The following RASGRP3 variants were observed in gnomAD, a reference collection of about 807,000 sequenced individuals.
The protein encoded by RASGRP3 is RAS guanyl releasing protein 3.
RASGRP3 carries 54 observed loss-of-function variants against 82.7 expected under a neutral mutation model. The ratio of observed to expected loss-of-function variants is 0.65; its 90% CI spans 0.52 to 0.82. The LOEUF (loss-of-function observed/expected upper bound fraction) is 0.82, where lower values mean the gene tolerates loss of function less well. Among genes scored for constraint, RASGRP3 ranks in the 40% least tolerant of loss-of-function variants. The probability of loss-of-function intolerance (pLI) is 0.00; values close to 1 mark genes in which losing one functional copy is unlikely to be tolerated. For synonymous variants in RASGRP3, 309 were observed against 300.5 expected (o/e 1.03, Z -0.29); for missense variants, 861 against 828.9 (o/e 1.04, Z -0.48).
chr2:33,448,789 A>T (rs979311857), intron 2 of RASGRP3, among the ~76,000 whole-genome samples: 1 of 152,170 alleles, frequency 6.6e-6, no homozygotes, highest in African/African-American at 2.4e-5. Flanking sequence ...TGAATAGTAC[A>T]CGTAAAAATG....
At chr2:33,532,495 T>C (rs1480268277) in intron 10 of RASGRP3, 2 of 152,216 alleles carry the variant, frequency 1.3e-5, no homozygotes, top group African/African-American at 2.4e-5. Flanking sequence ...GACGTTTCTA[T>C]CAAAATGTAC....
intron 1 of RASGRP3, among the ~76,000 whole-genome samples, chr2:33,504,793 A>T (rs114358965): frequency 0.014 from 2,158 of 150,654 alleles, 48 homozygotes; most frequent in African/African-American, 0.05. Flanking sequence ...GTCCTTGGAG[A>T]TTGTCATCTG....
chr2:33,453,371 A>G (rs947124777), intron 2 of RASGRP3, among the ~76,000 whole-genome samples: 2 of 152,130 alleles, frequency 1.3e-5, no homozygotes, highest in African/African-American at 4.8e-5. Context: ...ATAGTTGTTC[A>G]AATTGGTGTT....
At chr2:33,452,513 G>A (rs748579017) in intron 2 of RASGRP3, among the ~76,000 whole-genome samples, 2 of 152,140 alleles carry the variant, frequency 1.3e-5, no homozygotes, top group Non-Finnish European at 2.9e-5. Context: ...CCTGGGGTGG[G>A]CCTCGATTCT....
chr2:33,490,627 C>T (rs1343767650), intron 1 of RASGRP3, among the ~76,000 whole-genome samples: 1 of 152,204 alleles, frequency 6.6e-6, no homozygotes, highest in East Asian at 1.9e-4. Context: ...CCTCTCTGAC[C>T]TCTAGATGTT....
At chr2:33,496,239 G>A (rs113957574) in intron 1 of RASGRP3, among the ~76,000 whole-genome samples, 1 of 152,164 alleles carries the variant, frequency 6.6e-6, no homozygotes, top group Non-Finnish European at 1.5e-5. Context: ...ATCAGATAAA[G>A]AGAAAAAAGT....
intron 2 of RASGRP3, among the ~76,000 whole-genome samples, chr2:33,457,259 A>G (rs1218109102): frequency 2.6e-5 from 4 of 152,202 alleles, no homozygotes; most frequent in Admixed American, 6.5e-5. Context: ...AGTTTGTTAT[A>G]AATGAATATA....
intron 1 of RASGRP3, among the ~76,000 whole-genome samples, chr2:33,497,979 C>G (rs140395481): frequency 6.6e-6 from 1 of 152,186 alleles, no homozygotes; most frequent in Non-Finnish European, 1.5e-5. Context: ...CCCTCCCTTT[C>G]TCCAGCCCTT....
intron 7 of RASGRP3, among the ~76,000 whole-genome samples, 164 bp downstream of exon 7, chr2:33,522,266 A>G (rs904143435): frequency 6.6e-6 from 1 of 152,156 alleles, no homozygotes; most frequent in Non-Finnish European, 1.5e-5. Context: ...AAAGATAAAT[A>G]TTATCCTGTC....
At position 33,520,747 on chromosome 2, in the gene RASGRP3, A is replaced by G. The variant is rs146871949; in HGVS notation, c.368+63A>G. On this transcript the variant is annotated intron_variant, in intron 6 of 17. Coordinates refer to ENST00000403687, the MANE Select transcript of RASGRP3 (RefSeq NM_001139488.2). The stretch of plus-strand genomic sequence containing the variant: ...CCACCACTTAGGGGAGGAAGTAGTG[A>G]TCACCCCACTTGTTCTGAGTCCATC... 58 of 1,589,286 alleles carry G rather than the reference A, an allele frequency of 3.6e-5. 1 individual carries two copies. In the Middle Eastern group the frequency reaches 1.5e-3, roughly 41 times the overall value.
chr2:33,515,313 G>C, intron 3 of RASGRP3, 107 bp downstream of exon 3: 1 of 1,210,086 alleles, frequency 8.3e-7, no homozygotes, highest in African/African-American at 1.5e-5. Context: ...CTGTACCTTG[G>C]TATTTAAGGC....
intron 2 of RASGRP3, among the ~76,000 whole-genome samples, chr2:33,466,534 C>T (rs1288783200): frequency 6.6e-6 from 1 of 152,094 alleles, no homozygotes; most frequent in South Asian, 2.1e-4. Flanking sequence ...CAAAAATTGG[C>T]CGGGCATGGT....
upstream of RASGRP3, among the ~76,000 whole-genome samples, chr2:33,473,510 A>G (rs1193618947): frequency 1.3e-5 from 2 of 152,220 alleles, no homozygotes; most frequent in African/African-American, 2.4e-5. Context: ...GAGAGTCCTA[A>G]GCAGGTGGGA....
intron 1 of RASGRP3, among the ~76,000 whole-genome samples, chr2:33,486,305 AG>A (rs1350364368): frequency 6.6e-6 from 1 of 152,040 alleles, no homozygotes; most frequent in African/African-American, 2.4e-5. Context: ...CTGGGATTAC[AG>A]GTGCCCACCA....
At chr2:33,539,027 A>G in intron 11 of RASGRP3, 67 bp from the exon 12 acceptor site, 1 of 1,180,880 alleles carries the variant, frequency 8.5e-7, no homozygotes, top group South Asian at 1.4e-5. Context: ...CGACAGAACC[A>G]GACCCTGTCT....
chr2:33,511,429 T>A (rs1574383754), intron 1 of RASGRP3, among the ~76,000 whole-genome samples: 1 of 152,224 alleles, frequency 6.6e-6, no homozygotes, highest in South Asian at 2.1e-4. Flanking sequence ...TATATTTGCA[T>A]GAAACAGTAG....
intron 15 of RASGRP3, among the ~76,000 whole-genome samples, chr2:33,557,437 C>T (rs182817853): frequency 6.6e-6 from 1 of 152,078 alleles, no homozygotes; most frequent in Non-Finnish European, 1.5e-5. Context: ...AGGCCGGGCA[C>T]GGTGGCTCAC....
chr2:33,547,667 T>G (rs1015640374), intron 13 of RASGRP3, among the ~76,000 whole-genome samples: 3 of 152,146 alleles, frequency 2.0e-5, no homozygotes, highest in African/African-American at 7.2e-5. Context: ...GATTAAGTCT[T>G]CAGCCCCACT....
chr2:33,441,842 A>C (rs1263812625), intron 1 of RASGRP3, among the ~76,000 whole-genome samples: 1 of 152,222 alleles, frequency 6.6e-6, no homozygotes, highest in Non-Finnish European at 1.5e-5. Flanking sequence ...AAACATCATA[A>C]ATTGAGACAA....
Sources: gnomAD v4.1 joint callset for allele counts (sites outside exome capture counted in the v4.1 genomes callset) on GRCh38, gnomAD v4.1.1 for gene constraint, MANE v1.5 for transcripts, NCBI Gene and HGNC (gene_info 2026-07-23, HGNC 2026-07-21) for gene names.